DEF8: variants seen among roughly 807,000 people sequenced by gnomAD.
DEF8 encodes differentially expressed in FDCP 8 homolog.
Under a neutral mutation model 59.1 loss-of-function variants are expected in DEF8, and 38 were observed. The ratio of observed to expected loss-of-function variants is 0.64; its 90% confidence interval spans 0.50 to 0.84. The LOEUF is 0.84. DEF8 is among the 40% of genes least tolerant of loss of function. The probability of loss-of-function intolerance (pLI) is 0.00; values close to 1 mark genes in which losing one functional copy is unlikely to be tolerated. For missense variants in DEF8, 557 were observed against 615.2 expected, an observed-to-expected ratio of 0.91 and a Z score of 1.00; for synonymous variants, 265 against 250.1, an observed-to-expected ratio of 1.06 and a Z score of -0.56.
rs371648167 is a variant in DEF8, at chr16:89,956,375, G to A, written c.222+1109G>A. Among the ~76,000 whole-genome samples the A allele has an allele frequency of 5.6e-3, 841 of 150,948 alleles. 11 individuals carry two copies. The highest frequency in any genetic ancestry group is 0.055 in the South Asian group (264 of 4,766). ...CTCAGGAGGCTGAGGCAGGAGAATC[G>A]CTTGAACCCGGGAGGTGGAGGTTGC... On this transcript the variant is annotated intron_variant, in intron 4 of 12. Transcript: ENST00000563594.
rs572643663 is a variant in DEF8 at position 89,966,217 on chromosome 16, A to G, written c.*254A>G. ...TTGCGTGGCCCCCATCCTTCCCCCA[A>G]TGCAGAACTCCATGGGCAGGGAGCT... On this transcript the variant is annotated 3_prime_UTR_variant, in exon 13 of 13. Coordinates refer to ENST00000563594, the MANE Select transcript of DEF8 (RefSeq NM_001242818.2). 6 of 391,028 alleles carry G rather than the reference A, an allele frequency of 1.5e-5. No homozygotes were observed. The highest frequency in any genetic ancestry group is 5.4e-5 in the East Asian group (1 of 18,448). The allele number at this position is 391,028 out of a possible 1,614,324, so 24.2% of individuals were successfully genotyped here.
At position 89,954,010 on chromosome 16, in the gene DEF8, T is replaced by C. The variant is rs1008523539; in HGVS notation, c.-10-233T>C. Among the ~76,000 whole-genome samples the C allele has an allele frequency of 2.0e-5, 3 of 152,146 alleles. No individual in the cohort carries two copies. The highest frequency in any genetic ancestry group is 6.5e-5 in the Admixed American group (1 of 15,280). ...GCCACGTGCCCTCGTGGGACCCTCA[T>C]TGTCACCGTGAGCTCTTTCCAAGGG... On this transcript the variant is annotated intron_variant, in intron 2 of 12. Coordinates refer to ENST00000563594, the MANE Select transcript of DEF8 (RefSeq NM_001242818.2). The surrounding 1 kb of genome is among the most constrained non-coding windows in gnomAD (Gnocchi z 4.3).
chr16:89,962,485 C>T (rs1213669899), intron 9 of DEF8, among the ~76,000 whole-genome samples: 3 of 152,022 alleles, frequency 2.0e-5, no homozygotes, highest in Non-Finnish European at 2.9e-5. Flanking sequence ...TGGTGAAACC[C>T]CATCTCTACT....
Position 89,948,793 on chromosome 16 carries a change from A to G in DEF8, c.-129A>G, listed in dbSNP as rs144195940. ...CGGGCGGATCCAGCGCAGCCGGGAG[A>G]CAGATGCGAGGCGGCGGTCAGGTGA... On this transcript the variant is annotated 5_prime_UTR_variant, in exon 1 of 13. Transcript: ENST00000563594. 59,684 of 980,448 alleles carry G rather than the reference A, an allele frequency of 0.061. 2,170 individuals are homozygous for G. The highest frequency in any genetic ancestry group is 0.26 in the East Asian group (2,144 of 8,376). The allele number at this position is 980,448 out of a possible 1,614,324, so 60.7% of individuals were successfully genotyped here. A position where few individuals can be genotyped will look rare whatever the true frequency, so the allele number is the denominator to read the frequency against.
chr16:89,949,652 G>T lies in DEF8; in HGVS notation c.-11+139G>T, dbSNP rs756908927. ...GCGGGAGGCCAGGTCCGTGCATCCCGCGTGTCCTGAGCTTCGGCCCAGGGT... is the reference window on the plus strand; with the variant it reads ...GCGGGAGGCCAGGTCCGTGCATCCCTCGTGTCCTGAGCTTCGGCCCAGGGT... On this transcript the variant is annotated intron_variant, in intron 2 of 12. Transcript: ENST00000563594. The T allele has an allele frequency of 6.9e-6, 11 of 1,601,762 alleles. No homozygotes were observed. The East Asian group carries it at 2.5e-4, about 36-fold the overall frequency.
chr16:89,949,264 G>T (rs983229914), intron 1 of DEF8, among the ~76,000 whole-genome samples, 153 bp from the exon 2 acceptor site: 1 of 151,778 alleles, frequency 6.6e-6, no homozygotes, highest in East Asian at 2.0e-4. Flanking sequence ...GCGTGGCCGT[G>T]CCCCCGCCCT....
At chr16:89,962,898 G>A (rs1387630063) in intron 9 of DEF8, among the ~76,000 whole-genome samples, 2 of 152,250 alleles carry the variant, frequency 1.3e-5, no homozygotes, top group Non-Finnish European at 2.9e-5. Flanking sequence ...CTTAGCCAGC[G>A]GTGAGGGAGG....
Position 89,965,888 on chromosome 16 carries a change from T to G in DEF8, c.1281T>G (p.Thr427=), listed in dbSNP as rs11861894. The change falls in exon 13 of 13, where the codon ACT becomes ACG. Residue 427 remains threonine, a synonymous_variant. Transcript: ENST00000563594. The part of the protein sequence containing the change: ...HRDCYYDNST[T]CPKCARLSLR... ...ACTGCTACTACGACAACTCCACCAC[T>G]TGTCCCAAGTGTGCCCGGCTCAGCC... 0.048 allele frequency: 77,948 copies of G among 1,613,262 alleles called. 7,717 individuals are homozygous for G. Among genetic ancestry groups the G allele is most frequent in the African/African-American group, 0.41 (30,859 of 74,902 alleles).
Position 89,963,426 on chromosome 16 carries a change from G to C in DEF8, c.985G>C (p.Ala329Pro). 6.2e-7 allele frequency: 1 copy of C among 1,613,648 alleles called. No homozygotes were observed. Among genetic ancestry groups the C allele is most frequent in the Non-Finnish European group, 8.5e-7 (1 of 1,179,822 alleles). ...YFITCREAME[A>P]RLLLQLQDRQ... ...CATCACCTGCAGGGAGGCCATGGAGGCTCGTCTGCTGCTGCAGGTCAGACT... is the reference window on the plus strand; with the variant it reads ...CATCACCTGCAGGGAGGCCATGGAGCCTCGTCTGCTGCTGCAGGTCAGACT... Residue 329 changes from alanine (A) to proline (P), a missense_variant, in exon 10 of 13, where the codon GCT becomes CCT. Ala to Pro is a conservative substitution (Grantham distance 27). Transcript: ENST00000563594.
intron 12 of DEF8, among the ~76,000 whole-genome samples, chr16:89,965,571 G>T (rs937122469): frequency 3.3e-5 from 5 of 152,202 alleles, no homozygotes; most frequent in Admixed American, 2.0e-4. Context: ...GTGAGGAAGG[G>T]CTCTGAGTCG....
At chr16:89,961,647 T>C in intron 7 of DEF8, 90 bp from the exon 8 acceptor site, 1 of 1,519,910 alleles carries the variant, frequency 6.6e-7, no homozygotes, top group South Asian at 1.1e-5. Flanking sequence ...CCCCGAGGGC[T>C]GTGGTCCATG....
rs2033978178 is a variant in DEF8 at position 89,961,186 on chromosome 16, G to C, written c.679+91G>C. ...TGTGTAAGGGCACGTAAGTCAGACAGTTGAGTGAGGCCCTGGGGCAGTGCC... is the reference window on the plus strand; with the variant it reads ...TGTGTAAGGGCACGTAAGTCAGACACTTGAGTGAGGCCCTGGGGCAGTGCC... On this transcript the variant is annotated intron_variant, in intron 7 of 12. Transcript: ENST00000563594. 3.3e-6 allele frequency: 5 copies of C among 1,499,502 alleles called. No individual in the cohort carries two copies. The South Asian group carries it at 5.1e-5, about 15-fold the overall frequency. The allele number at this position is 1,499,502 out of a possible 1,614,324, so 92.9% of individuals were successfully genotyped here.
At chr16:89,956,698 G>A (rs1393547153) in intron 4 of DEF8, 5 of 151,114 alleles carry the variant, frequency 3.3e-5, no homozygotes, top group Non-Finnish European at 7.4e-5. Context: ...TTATAGACAC[G>A]GGGTCTCGCT....
At chr16:89,949,695 C>T in intron 2 of DEF8, 182 bp downstream of exon 2, 4 of 1,505,088 alleles carry the variant, frequency 2.7e-6, no homozygotes, top group Non-Finnish European at 3.6e-6. Flanking sequence ...TGCCCCGGAA[C>T]CCCGCCGGCT....
In DEF8 at chr16:89,959,004, C is replaced by T. The variant is rs755092309; in HGVS notation, c.373-10C>T. On this transcript the variant is annotated splice_polypyrimidine_tract_variant and intron_variant, in intron 5 of 12. Coordinates refer to ENST00000563594, the MANE Select transcript of DEF8 (RefSeq NM_001242818.2). ...CACCTGTGACCCCCTCCCTGACTCA[C>T]CCTCTGCAGGACCCCAATGAGGATG... is the stretch of plus-strand genomic sequence containing the variant. 1.9e-6 allele frequency: 3 copies of T among 1,609,756 alleles called. No individual in the cohort carries two copies. Among genetic ancestry groups the T allele is most frequent in the East Asian group, 2.2e-5 (1 of 44,888 alleles).
At chr16:89,961,693 G>A (rs1245067919) in intron 7 of DEF8, 44 bp from the exon 8 acceptor site, 1 of 1,608,388 alleles carries the variant, frequency 6.2e-7, no homozygotes, top group East Asian at 2.2e-5. Context: ...GCTGTGTGGG[G>A]TTTTTGTGAG....
chr16:89,965,322 C>T (rs1376935816), intron 12 of DEF8, among the ~76,000 whole-genome samples: 1 of 152,166 alleles, frequency 6.6e-6, no homozygotes, highest in Non-Finnish European at 1.5e-5. Context: ...CTGGAATTTG[C>T]TATTTTTCAT....
intron 7 of DEF8, 146 bp downstream of exon 7, chr16:89,961,241 T>A: frequency 8.9e-7 from 1 of 1,122,230 alleles, no homozygotes; most frequent in East Asian, 2.6e-5. Flanking sequence ...GTGACAAGGG[T>A]CTGTTGCTGC....
Position 89,959,059 on chromosome 16 carries a change from C to A in DEF8, c.418C>A (p.Arg140Ser), listed in dbSNP as rs144082624. ...AAACATCCGAGTGCTCCTTGAGCAC[C>A]GCTTTTACAAGGAGAAGAGCAAGAG... ...EPNIRVLLEH[R>S]FYKEKSKSVK... Residue 140 changes from arginine to serine, a missense_variant, in exon 6 of 13, where the codon CGC becomes AGC. Transcript: ENST00000563594. 2 of 1,613,594 alleles carry A rather than the reference C, an allele frequency of 1.2e-6. No homozygotes were observed. Among genetic ancestry groups the A allele is most frequent in the African/African-American group, 1.3e-5 (1 of 75,016 alleles).
Sources: gnomAD v4.1 joint callset for allele counts (sites outside exome capture counted in the v4.1 genomes callset) on GRCh38, gnomAD v4.1.1 for gene constraint, Gnocchi (gnomAD v3.1) non-coding constraint, MANE v1.5 for transcripts, NCBI Gene and HGNC (gene_info 2026-07-23, HGNC 2026-07-21) for gene names.